The following GRM7 variants were observed in gnomAD, a reference collection of about 807,000 sequenced individuals.
GRM7 encodes metabotropic glutamate receptor 7.
GRM7 carries 35 observed loss-of-function variants against 84.5 expected under a neutral mutation model. The observed-to-expected ratio is 0.41, with a 90% confidence interval of 0.32 to 0.55. The LOEUF is 0.55. GRM7 is among the 20% of genes least tolerant of loss of function. The pLI is 0.19. For synonymous variants in GRM7, 487 were observed against 455.1 expected (o/e 1.07, Z -0.89); for missense variants, 1,003 against 1,194.6 (o/e 0.84, Z 2.36).
intron 7 of GRM7, among the ~76,000 whole-genome samples, chr3:7,519,129 A>G (rs1382816441): frequency 6.6e-6 from 1 of 152,156 alleles, no homozygotes; most frequent in Non-Finnish European, 1.5e-5. Flanking sequence ...TTTTTTCACT[A>G]TATATTTACT....
At chr3:7,383,918 T>C (rs1378083276) in intron 4 of GRM7, among the ~76,000 whole-genome samples, 1 of 152,216 alleles carries the variant, frequency 6.6e-6, no homozygotes, top group Non-Finnish European at 1.5e-5. Context: ...AACCTAAGTA[T>C]ATTTAAAATT....
intron 7 of GRM7, among the ~76,000 whole-genome samples, chr3:7,523,503 G>A (rs1223956084): frequency 2.6e-5 from 4 of 152,118 alleles, no homozygotes; most frequent in African/African-American, 9.7e-5. Flanking sequence ...GTACACTCCT[G>A]CTGTATTCCA....
At chr3:6,932,751 C>CTTTTT (rs35962540) in intron 1 of GRM7, among the ~76,000 whole-genome samples, 15 of 93,776 alleles carry the variant, frequency 1.6e-4, no homozygotes, top group Admixed American at 2.5e-4. Context: ...TTCTTTCTCT[C>CTTTTT]TTTTTTTTTT....
rs116294078 is a variant in GRM7, at chr3:7,259,309, A to G, written c.737-39375A>G. ...AAATACTTTTATTTTAGATTTTGGGATACATGTGTAAGTTTGCTATATAGG... is the reference window on the plus strand; with the variant it reads ...AAATACTTTTATTTTAGATTTTGGGGTACATGTGTAAGTTTGCTATATAGG... On this transcript the variant is annotated intron_variant, in intron 2 of 9. Coordinates refer to ENST00000357716, the MANE Select transcript of GRM7 (RefSeq NM_000844.4). 7.8e-3 allele frequency among the ~76,000 whole-genome samples: 1,184 copies of G among 152,256 alleles called. 7 individuals carry two copies. Among genetic ancestry groups the G allele is most frequent in the Non-Finnish European group, 0.013 (881 of 68,000 alleles).
At chr3:7,327,614 C>G (rs537304372) in intron 4 of GRM7, among the ~76,000 whole-genome samples, 1 of 152,268 alleles carries the variant, frequency 6.6e-6, no homozygotes, top group South Asian at 2.1e-4. Context: ...CATTGCCACT[C>G]CCTAGTATAA....
At chr3:7,033,885 A>G (rs913451302) in intron 1 of GRM7, among the ~76,000 whole-genome samples, 3 of 152,142 alleles carry the variant, frequency 2.0e-5, no homozygotes, top group Non-Finnish European at 4.4e-5. Flanking sequence ...AGTAGTATTC[A>G]TTTGCTAATT....
intron 1 of GRM7, among the ~76,000 whole-genome samples, chr3:6,981,607 A>T (rs1694201941): frequency 6.6e-6 from 1 of 152,170 alleles, no homozygotes. Context: ...AGCTCTGGCC[A>T]CAGGATCATC....
chr3:7,717,471 C>T (rs162789), intron 9 of GRM7, among the ~76,000 whole-genome samples: 103,300 of 152,070 alleles, frequency 0.68, 36,952 homozygotes, highest in East Asian at 0.96. Context: ...TGCCACAGGG[C>T]TTTCAAATAC....
Position 7,495,310 on chromosome 3 carries a change from T to C in GRM7, c.1515+33588T>C, listed in dbSNP as rs527545355. On this transcript the variant is annotated intron_variant, in intron 7 of 9. Coordinates refer to ENST00000357716, the MANE Select transcript of GRM7 (RefSeq NM_000844.4). ...GAGGAGCACTGTGGTGGTATCTTCCTATTTCTCCTCAAACCCTGGTTTCTC... is the reference window on the plus strand; with the variant it reads ...GAGGAGCACTGTGGTGGTATCTTCCCATTTCTCCTCAAACCCTGGTTTCTC... Among the ~76,000 whole-genome samples the C allele has an allele frequency of 5.9e-5, 9 of 152,252 alleles. No homozygotes were observed. The East Asian group carries it at 1.7e-3, about 30-fold the overall frequency.
chr3:7,647,108 G>A (rs1698682865), intron 8 of GRM7, among the ~76,000 whole-genome samples: 4 of 152,310 alleles, frequency 2.6e-5, no homozygotes, highest in East Asian at 3.9e-4. Context: ...GGATGATTAC[G>A]TAGATGGAAG....
In GRM7 at chr3:6,928,270, A is replaced by T. The variant is rs753457461; in HGVS notation, c.519+66363A>T. 6.6e-6 allele frequency among the ~76,000 whole-genome samples: 1 copy of T among 152,060 alleles called. No individual in the cohort carries two copies. The highest frequency in any genetic ancestry group is 2.4e-5 in the African/African-American group (1 of 41,392). On this transcript the variant is annotated intron_variant, in intron 1 of 9. Transcript: ENST00000357716. The surrounding 1 kb of genome is among the most constrained non-coding windows in gnomAD (Gnocchi z 4.5). Reference sequence around the variant, plus strand: ...CCACTCTCTTTCCCAGGTACTAAAAAATGCAGTTGTAATGACTTGTTAACT... The same window carrying T: ...CCACTCTCTTTCCCAGGTACTAAAATATGCAGTTGTAATGACTTGTTAACT...
intron 8 of GRM7, chr3:7,636,205 C>G (rs1698084597): frequency 2.2e-6 from 1 of 456,532 alleles, no homozygotes; most frequent in Non-Finnish European, 4.4e-6. Flanking sequence ...CAAGATTTAA[C>G]TTGAGCCTCA....
intron 8 of GRM7, among the ~76,000 whole-genome samples, chr3:7,650,366 T>C (rs1363582442): frequency 6.6e-6 from 1 of 152,208 alleles, no homozygotes; most frequent in Non-Finnish European, 1.5e-5. Flanking sequence ...CCGTCTCTTA[T>C]GCTGTGCAGG....
chr3:7,618,400 C>A (rs1697207447), intron 8 of GRM7, among the ~76,000 whole-genome samples: 2 of 151,886 alleles, frequency 1.3e-5, no homozygotes, highest in African/African-American at 2.4e-5. Context: ...GTCTAGTTAG[C>A]CAAAAATATT....
intron 1 of GRM7, among the ~76,000 whole-genome samples, chr3:6,923,362 C>G: frequency 6.6e-6 from 1 of 152,078 alleles, no homozygotes; most frequent in Admixed American, 6.5e-5. Context: ...TCACCTGTAA[C>G]ATGAAGAAGT....
At chr3:6,870,189 C>T (rs896512641) in intron 1 of GRM7, among the ~76,000 whole-genome samples, 1 of 152,166 alleles carries the variant, frequency 6.6e-6, no homozygotes, top group African/African-American at 2.4e-5. Context: ...GAATGTGGAA[C>T]TTGCTGAAGA....
chr3:7,337,310 C>G (rs1027426572), intron 4 of GRM7, among the ~76,000 whole-genome samples: 6 of 152,030 alleles, frequency 3.9e-5, no homozygotes, highest in African/African-American at 1.2e-4. Context: ...CATACAAATT[C>G]TAGAAGATAA....
chr3:7,541,820 T>C (rs926162870), intron 7 of GRM7, among the ~76,000 whole-genome samples: 1 of 152,160 alleles, frequency 6.6e-6, no homozygotes, highest in Admixed American at 6.5e-5. Flanking sequence ...GTACCACAAA[T>C]TGGAGGGGCT....
chr3:7,216,714 C>A (rs1200990363), intron 2 of GRM7, among the ~76,000 whole-genome samples: 3 of 152,130 alleles, frequency 2.0e-5, no homozygotes, highest in African/African-American at 7.2e-5. Flanking sequence ...TTCTGTTACT[C>A]AAACTGACAG....
Sources: gnomAD v4.1 joint callset for allele counts (sites outside exome capture counted in the v4.1 genomes callset) on GRCh38, gnomAD v4.1.1 for gene constraint, Gnocchi (gnomAD v3.1) non-coding constraint, MANE v1.5 for transcripts, NCBI Gene and HGNC (gene_info 2026-07-23, HGNC 2026-07-21) for gene names.